Variants in GSK3B observed in about 807,000 individuals in gnomAD.
GSK3B encodes glycogen synthase kinase 3 beta, also known as glycogen synthase kinase-3 beta.
GSK3B carries 15 observed loss-of-function variants against 56.4 expected under a neutral mutation model. The ratio of observed to expected loss-of-function variants is 0.27; its 90% CI spans 0.18 to 0.41. GSK3B has a LOEUF of 0.41. Among genes scored for constraint, GSK3B ranks in the 10% least tolerant of loss-of-function variants. The probability of loss-of-function intolerance (pLI) is 1.00; values close to 1 mark genes in which losing one functional copy is unlikely to be tolerated. For synonymous variants in GSK3B, 181 were observed against 188.9 expected, an observed-to-expected ratio of 0.96 and a Z score of 0.34; for missense variants, 300 against 513.4, an observed-to-expected ratio of 0.58 and a Z score of 4.02.
chr3:120,001,315 T>G lies in GSK3B; in HGVS notation c.282+731A>C, dbSNP rs72969139. Among the ~76,000 whole-genome samples, 1,098 of 152,224 alleles carry G rather than the reference T, an allele frequency of 7.2e-3. 9 individuals are homozygous for G. Among genetic ancestry groups the G allele is most frequent in the African/African-American group, 0.025 (1,038 of 41,520 alleles). ...GGGAGGCTGAGACAGGCGACTTGCC[T>G]GAGCTCAGGAGATTGAGACTAGCTT... On this transcript the variant is annotated intron_variant, in intron 2 of 10. Transcript: ENST00000264235.
chr3:119,837,982 A>G (rs977306576), intron 10 of GSK3B, among the ~76,000 whole-genome samples: 2 of 148,388 alleles, frequency 1.3e-5, no homozygotes, highest in African/African-American at 2.5e-5. Flanking sequence ...TTCAGTCGAC[A>G]TAAGAAATTA....
At position 119,826,604 on chromosome 3, in the gene GSK3B, T is replaced by C; in HGVS notation, c.*184A>G. Reference sequence around the variant, plus strand: ...CCTCAAAGTGAGAATACAATGAAATTGGTTTGTATTTATAGATATTTTACA... The same window carrying C: ...CCTCAAAGTGAGAATACAATGAAATCGGTTTGTATTTATAGATATTTTACA... On this transcript the variant is annotated 3_prime_UTR_variant, in exon 11 of 11. Transcript: ENST00000264235. 1.5e-6 allele frequency: 1 copy of C among 648,990 alleles called. No homozygotes were observed. Among genetic ancestry groups the C allele is most frequent in the Admixed American group, 2.1e-5 (1 of 48,072 alleles). 40.2% of individuals were successfully genotyped at this position (648,990 alleles called of 1,614,324 possible). A position where few individuals can be genotyped will look rare whatever the true frequency, so the allele number is the denominator to read the frequency against.
chr3:120,013,891 C>T lies in GSK3B; in HGVS notation c.89-11652G>A, dbSNP rs1195338137. On this transcript the variant is annotated intron_variant, in intron 1 of 10. Coordinates refer to ENST00000264235, the MANE Select transcript of GSK3B (RefSeq NM_001146156.2). ...AAACTATTAAAACAAAGATGTTGGC[C>T]GGGCGCAGTGGCTCAAGCCTATAAT... is the stretch of plus-strand genomic sequence containing the variant. Among the ~76,000 whole-genome samples the T allele has an allele frequency of 4.0e-5, 6 of 151,732 alleles. No homozygotes were observed. In the East Asian group the frequency reaches 7.7e-4, roughly 20 times the overall value.
At chr3:119,911,070 A>G (rs1040336795) in intron 6 of GSK3B, among the ~76,000 whole-genome samples, 5 of 152,164 alleles carry the variant, frequency 3.3e-5, no homozygotes, top group Admixed American at 1.3e-4. Flanking sequence ...AATGTTGTTC[A>G]TGTGATTGAG....
intron 7 of GSK3B, among the ~76,000 whole-genome samples, chr3:119,894,547 G>A (rs1354830021): frequency 1.3e-5 from 2 of 152,040 alleles, no homozygotes. Context: ...GGCCATTTGT[G>A]TATCTTCTTT....
At chr3:120,073,749 T>G (rs2058346518) in intron 1 of GSK3B, among the ~76,000 whole-genome samples, 1 of 152,210 alleles carries the variant, frequency 6.6e-6, no homozygotes, top group South Asian at 2.1e-4. Context: ...TGCATCTTGC[T>G]GGCTGTGTAA....
chr3:119,980,982 C>T (rs2057455498), intron 2 of GSK3B, among the ~76,000 whole-genome samples: 1 of 152,110 alleles, frequency 6.6e-6, no homozygotes, highest in Non-Finnish European at 1.5e-5. Flanking sequence ...GGAATTTATA[C>T]AAGAAATGTT....
intron 2 of GSK3B, among the ~76,000 whole-genome samples, chr3:119,969,459 G>T (rs903532150): frequency 5.3e-5 from 8 of 152,126 alleles, no homozygotes; most frequent in African/African-American, 1.9e-4. Context: ...GTATCAATCA[G>T]AATCCCAGCA....
chr3:119,884,120 C>G (rs2056408960), intron 7 of GSK3B, among the ~76,000 whole-genome samples: 1 of 152,032 alleles, frequency 6.6e-6, no homozygotes, highest in African/African-American at 2.4e-5. Context: ...GAAATTGAAA[C>G]AGAAGGCTGA....
At chr3:119,917,433 T>C (rs2056792565) in intron 4 of GSK3B, among the ~76,000 whole-genome samples, 1 of 152,120 alleles carries the variant, frequency 6.6e-6, no homozygotes, top group Non-Finnish European at 1.5e-5. Flanking sequence ...CATTTAGGTA[T>C]CCATGTAACA....
At chr3:120,071,855 C>A (rs2058329303) in intron 1 of GSK3B, among the ~76,000 whole-genome samples, 1 of 152,120 alleles carries the variant, frequency 6.6e-6, no homozygotes, top group Non-Finnish European at 1.5e-5. Flanking sequence ...GGACCACTGC[C>A]ACCACATTAA....
intron 3 of GSK3B, among the ~76,000 whole-genome samples, chr3:119,943,088 T>C (rs1320384583): frequency 6.6e-6 from 1 of 152,210 alleles, no homozygotes; most frequent in Non-Finnish European, 1.5e-5. Context: ...CTTTCCCCTG[T>C]TACAGGATAA....
intron 1 of GSK3B, among the ~76,000 whole-genome samples, chr3:120,006,274 G>A (rs964358835): frequency 4.6e-5 from 7 of 152,098 alleles, no homozygotes; most frequent in Non-Finnish European, 4.4e-5. Context: ...CAAGTCCTTG[G>A]AGACCTACAA....
rs1379734408 is a variant in GSK3B at position 119,823,131 on chromosome 3, A to C, written c.*3657T>G. The stretch of plus-strand genomic sequence containing the variant: ...AATGAACACACGATGTTTCAAAAAT[A>C]GTAACCTTTGGTTTGGTAGTTTTTT... On this transcript the variant is annotated 3_prime_UTR_variant, in exon 11 of 11. Transcript: ENST00000264235. 1 of 230,014 alleles carries C rather than the reference A, an allele frequency of 4.3e-6. No homozygotes were observed. The highest frequency in any genetic ancestry group is 2.2e-5 in the African/African-American group (1 of 45,154). 14.2% of individuals were successfully genotyped at this position (230,014 alleles called of 1,614,324 possible).
chr3:119,853,549 A>G (rs1577316643), intron 9 of GSK3B, among the ~76,000 whole-genome samples: 3 of 152,192 alleles, frequency 2.0e-5, no homozygotes, highest in South Asian at 2.1e-4. Context: ...CCTCCTATCC[A>G]TGAGCATGGA....
chr3:119,835,100 A>G (rs910730874), intron 10 of GSK3B, among the ~76,000 whole-genome samples: 5 of 152,230 alleles, frequency 3.3e-5, no homozygotes, highest in African/African-American at 1.2e-4. Flanking sequence ...GTACCTAAAA[A>G]AGATGCACAT....
At chr3:119,861,126 C>T (rs2056095599) in intron 9 of GSK3B, among the ~76,000 whole-genome samples, 1 of 152,170 alleles carries the variant, frequency 6.6e-6, no homozygotes, top group Admixed American at 6.6e-5. Flanking sequence ...AAAGCTGCAT[C>T]TGTACACAGT....
chr3:119,955,631 G>T (rs1191493849), intron 2 of GSK3B, among the ~76,000 whole-genome samples: 5 of 146,940 alleles, frequency 3.4e-5, no homozygotes, highest in Non-Finnish European at 6.0e-5. Context: ...CCACTGATTG[G>T]TTTTTTTTGC....
intron 2 of GSK3B, among the ~76,000 whole-genome samples, chr3:119,988,980 A>T (rs1349336169): frequency 6.6e-6 from 1 of 152,144 alleles, no homozygotes; most frequent in East Asian, 1.9e-4. Flanking sequence ...GTTGCCTAAC[A>T]TTTTTCAGTT....
Sources: allele counts gnomAD v4.1 joint callset (sites outside exome capture counted in the v4.1 genomes callset), GRCh38; gene constraint gnomAD v4.1.1; transcripts MANE v1.5; gene names NCBI Gene and HGNC (gene_info 2026-07-23, HGNC 2026-07-21).